The following SYMPK variants were observed in gnomAD, a reference collection of about 807,000 sequenced individuals.
SYMPK encodes symplekin.
Under a neutral mutation model 136.4 loss-of-function variants are expected in SYMPK, and 49 were observed. The ratio of observed to expected loss-of-function variants is 0.36; its 90% CI spans 0.29 to 0.46. The LOEUF is 0.46. Among genes scored for constraint, SYMPK ranks in the 20% least tolerant of loss-of-function variants. The probability of loss-of-function intolerance (pLI) is 1.00; values close to 1 mark genes in which losing one functional copy is unlikely to be tolerated. For synonymous variants in SYMPK, 766 were observed against 713.0 expected (o/e 1.07, Z -1.19); for missense variants, 1,365 against 1,690.0 (o/e 0.81, Z 3.37).
In SYMPK at chr19:45,852,408, G is replaced by A. The variant is rs569652868; in HGVS notation, c.226-23C>T. 5.6e-5 allele frequency: 91 copies of A among 1,614,170 alleles called. 1 individual carries two copies. In the South Asian group the frequency reaches 9.1e-4, roughly 16 times the overall value. ...CTCCTGCCAATGTTAGAGAGAAAGT[G>A]GATCAGGGCTACACAAGGATCCACA... On this transcript the variant is annotated intron_variant, in intron 4 of 26. Transcript: ENST00000245934.
chr19:45,850,528 C>T (rs1269682767), intron 5 of SYMPK, among the ~76,000 whole-genome samples: 1 of 152,156 alleles, frequency 6.6e-6, no homozygotes, highest in Admixed American at 6.5e-5. Context: ...GTCACTTGAC[C>T]ATTCTGAGCC....
rs751719892 is a variant in SYMPK, at chr19:45,816,181, A to C, written c.3357T>G (p.Asp1119Glu). ...KEAPAGPLEEDDLEPLTLAPA... is the reference protein window; with the variant it reads ...KEAPAGPLEEEDLEPLTLAPA... ...GGGCCAAGGTCAGGGGCTCCAGATCATCCTGGGGATAGGGAGGGCCACACA... is the reference window on the plus strand; with the variant it reads ...GGGCCAAGGTCAGGGGCTCCAGATCCTCCTGGGGATAGGGAGGGCCACACA... The change falls in exon 26 of 27, where the codon GAT becomes GAG. Residue 1119 changes from aspartate (D) to glutamate (E), a missense_variant and splice_region_variant. Transcript: ENST00000245934. The C allele has an allele frequency of 1.6e-5, 25 of 1,527,050 alleles. 1 individual carries two copies. In the South Asian group the frequency reaches 2.8e-4, roughly 17 times the overall value. 94.6% of individuals were successfully genotyped at this position (1,527,050 alleles called of 1,614,324 possible). A position where few individuals can be genotyped will look rare whatever the true frequency, so the allele number is the denominator to read the frequency against.
chr19:45,855,749 A>G (rs1490392057), intron 1 of SYMPK: 1 of 152,212 alleles, frequency 6.6e-6, no homozygotes, highest in East Asian at 1.9e-4. Flanking sequence ...TACTCCCAAC[A>G]CTTTGGGAGG....
At chr19:45,824,826 T>C (rs1481122061) in intron 18 of SYMPK, among the ~76,000 whole-genome samples, 1 of 152,224 alleles carries the variant, frequency 6.6e-6, no homozygotes, top group Non-Finnish European at 1.5e-5. Context: ...AAAGTGACAG[T>C]AACACAGAGG....
At chr19:45,829,702 C>G (rs1971124725) in intron 13 of SYMPK, among the ~76,000 whole-genome samples, 1 of 152,186 alleles carries the variant, frequency 6.6e-6, no homozygotes, top group African/African-American at 2.4e-5. Context: ...AGAATCAGGA[C>G]AGAGAACCAG....
chr19:45,819,307 C>CA (rs1970832111), intron 22 of SYMPK: 1 of 152,430 alleles, frequency 6.6e-6, no homozygotes, highest in African/African-American at 2.4e-5. Flanking sequence ...GAAACAAGGT[C>CA]AAATTCCCAC....
chr19:45,830,282 A>C, intron 12 of SYMPK, 78 bp from the exon 13 acceptor site: 1 of 1,484,512 alleles, frequency 6.7e-7, no homozygotes, highest in Non-Finnish European at 9.1e-7. Flanking sequence ...CCCAACTTCA[A>C]GGACTAGGTA....
chr19:45,848,873 C>T lies in SYMPK; in HGVS notation c.303G>A (p.Lys101=), dbSNP rs372802692. 1.2e-4 allele frequency: 190 copies of T among 1,613,910 alleles called. No individual in the cohort carries two copies. The South Asian group carries it at 1.9e-3, about 17-fold the overall frequency. The change falls in exon 6 of 27, where the codon AAG becomes AAA. Residue 101 remains lysine (K), a synonymous_variant. Transcript: ENST00000245934. ...FVIGFIEEAC[K]RDIELLLKLI... is the part of the protein sequence containing the mutation. ...GTTTCAGCAGCAACTCAATGTCTCG[C>T]TTGCTGAGGGATGGAGAAAAAAGGG...
chr19:45,841,516 C>G (rs1462286847), intron 9 of SYMPK, among the ~76,000 whole-genome samples: 1 of 152,166 alleles, frequency 6.6e-6, no homozygotes. Flanking sequence ...TGGTGTCAAA[C>G]TCCTAACCTC....
At position 45,842,431 on chromosome 19, in the gene SYMPK, C is replaced by T. The variant is rs1178859424; in HGVS notation, c.906G>A (p.Lys302=). 6.2e-7 allele frequency: 1 copy of T among 1,614,178 alleles called. No individual in the cohort carries two copies. Among genetic ancestry groups the T allele is most frequent in the East Asian group, 2.2e-5 (1 of 44,896 alleles). ...SQVSSVRKNL[K]LHLLSVLKHP... The stretch of plus-strand genomic sequence containing the variant: ...GCTTCAGCACACTCAACAGGTGCAG[C>T]TTCAGATTCTTACGCACACTGCTCA... Residue 302 remains lysine (K), a synonymous_variant, in exon 9 of 27, where the codon AAG becomes AAA. Transcript: ENST00000245934.
intron 7 of SYMPK, among the ~76,000 whole-genome samples, chr19:45,846,375 CA>C (rs1971560611): frequency 6.6e-6 from 1 of 152,178 alleles, no homozygotes; most frequent in Non-Finnish European, 1.5e-5. Flanking sequence ...ACTATTAAGT[CA>C]AAAAGGCTGT....
rs1425458746 is a variant in SYMPK, at chr19:45,824,747, A to G, written c.2490+424T>C. On this transcript the variant is annotated intron_variant, in intron 18 of 26. Coordinates refer to ENST00000245934, the MANE Select transcript of SYMPK (RefSeq NM_004819.3). ...GACCTGTGCCTCTAGAGAGAGGGGC[A>G]GGAAGGACTTATGTTTATGTAATGA... 2.6e-5 allele frequency among the ~76,000 whole-genome samples: 4 copies of G among 152,192 alleles called. No homozygotes were observed. In the East Asian group the frequency reaches 5.8e-4, roughly 22 times the overall value.
rs1199414661 is a variant in SYMPK at position 45,826,293 on chromosome 19, G to C, written c.2262C>G (p.Leu754=). The change falls in exon 17 of 27, where the codon CTC becomes CTG. Residue 754 remains leucine (L), a synonymous_variant. Coordinates refer to ENST00000245934, the MANE Select transcript of SYMPK (RefSeq NM_004819.3). ...GGTGCACCAGGAGCTGCAGGTAGTT[G>C]AGGGCAAATTTCTCCACATACTCCC... is the stretch of plus-strand genomic sequence containing the variant. ...QLREYVEKFA[L]NYLQLLVHPN... 6.2e-7 allele frequency: 1 copy of C among 1,613,864 alleles called. No individual in the cohort carries two copies. Among genetic ancestry groups the C allele is most frequent in the African/African-American group, 1.3e-5 (1 of 74,902 alleles).
chr19:45,827,808 G>C (rs778190744), intron 15 of SYMPK, 29 bp downstream of exon 15: 2 of 1,610,248 alleles, frequency 1.2e-6, no homozygotes, highest in South Asian at 1.1e-5. Flanking sequence ...CCCCTGCCCC[G>C]GGCTGCACTG....
intron 11 of SYMPK, among the ~76,000 whole-genome samples, chr19:45,833,993 T>A (rs1365369432): frequency 6.6e-6 from 1 of 150,532 alleles, no homozygotes; most frequent in East Asian, 2.0e-4. Flanking sequence ...CTACTAAAAA[T>A]ACAAAAAACT....
chr19:45,815,488 C>T lies in SYMPK; in HGVS notation c.*72G>A. ...TTTTATTTCTTTTTAAGGCAAAGCA[C>T]CCGCAGGTCAAGCCCCGCCCCGTCC... On this transcript the variant is annotated 3_prime_UTR_variant, in exon 27 of 27. Transcript: ENST00000245934. 1 of 1,226,514 alleles carries T rather than the reference C, an allele frequency of 8.2e-7. No homozygotes were observed. The highest frequency in any genetic ancestry group is 1.1e-6 in the Non-Finnish European group (1 of 904,052). The allele number at this position is 1,226,514 out of a possible 1,614,324, so 76.0% of individuals were successfully genotyped here.
intron 16 of SYMPK, 144 bp from the exon 17 acceptor site, chr19:45,826,517 T>G (rs1600498914): frequency 1.2e-6 from 1 of 852,182 alleles, no homozygotes; most frequent in Non-Finnish European, 1.8e-6. Flanking sequence ...CCAGGGCTGG[T>G]CCCCAGTGCA....
intron 1 of SYMPK, among the ~76,000 whole-genome samples, chr19:45,860,939 A>G (rs1319298549): frequency 2.0e-5 from 3 of 152,268 alleles, no homozygotes; most frequent in South Asian, 4.1e-4. Flanking sequence ...ATAGCTTGTA[A>G]GAGGCAGAGT....
intron 11 of SYMPK, among the ~76,000 whole-genome samples, chr19:45,831,889 G>A (rs540837040): frequency 1.2e-3 from 179 of 151,654 alleles, no homozygotes; most frequent in Non-Finnish European, 1.8e-3. Flanking sequence ...GCTGGAGTAC[G>A]GTGGTGCAAT....
Sources: gnomAD v4.1 joint callset for allele counts (sites outside exome capture counted in the v4.1 genomes callset) on GRCh38, gnomAD v4.1.1 for gene constraint, MANE v1.5 for transcripts, NCBI Gene and HGNC (gene_info 2026-07-23, HGNC 2026-07-21) for gene names.